Variants in ZC3H12B observed in about 807,000 individuals in gnomAD.
ZC3H12B encodes zinc finger CCCH-type containing 12B.
In ZC3H12B, 7 loss-of-function variants were observed where a neutral mutation model predicts 43.9. The ratio of observed to expected loss-of-function variants is 0.16; its 90% CI spans 0.09 to 0.30. The LOEUF (loss-of-function observed/expected upper bound fraction) is 0.30, where lower values mean the gene tolerates loss of function less well. Ranked by LOEUF, ZC3H12B falls within the 10% of genes least tolerant of loss-of-function variation. ZC3H12B has a pLI of 1.00. For synonymous variants in ZC3H12B, 222 were observed against 241.7 expected, an observed-to-expected ratio of 0.92 and a Z score of 0.76; for missense variants, 475 against 670.2, an observed-to-expected ratio of 0.71 and a Z score of 3.22.
chrX:65,452,702 G>T (rs748364605), intron 3 of ZC3H12B, among the ~76,000 whole-genome samples: 1 of 110,895 alleles, frequency 9.0e-6, no homozygotes, highest in Non-Finnish European at 1.9e-5. Context: ...TTTGCCAGGC[G>T]TAGTGGTAGG....
At chrX:65,278,969 G>C in the ZC3H12B span, among the ~76,000 whole-genome samples, 1 of 111,574 alleles carries the variant, frequency 9.0e-6, no homozygotes, top group Admixed American at 9.5e-5. Context: ...TCCCGCAAAA[G>C]ACATGATCTT....
chrX:65,317,414 G>A, the ZC3H12B span, among the ~76,000 whole-genome samples: 4 of 110,550 alleles, frequency 3.6e-5, no homozygotes, highest in Non-Finnish European at 7.6e-5. Context: ...TGGGGAAACA[G>A]GTGGTCTTTG....
chrX:65,211,783 T>A, the ZC3H12B span, among the ~76,000 whole-genome samples: 1 of 82,255 alleles, frequency 1.2e-5, no homozygotes, highest in Non-Finnish European at 2.1e-5. Flanking sequence ...ATATAATATA[T>A]TATAAATATT....
chrX:65,396,770 T>C (rs1412849067), intron 2 of ZC3H12B, among the ~76,000 whole-genome samples: 4 of 110,940 alleles, frequency 3.6e-5, no homozygotes, highest in Non-Finnish European at 5.7e-5. Context: ...TAATAACCTG[T>C]CTCATTGATC....
chrX:65,158,290 T>A, the ZC3H12B span, among the ~76,000 whole-genome samples: 8 of 111,460 alleles, frequency 7.2e-5, no homozygotes, highest in South Asian at 3.8e-4. Context: ...ATATAGCCAG[T>A]AATGGAATGG....
At chrX:65,151,508 C>A in the ZC3H12B span, among the ~76,000 whole-genome samples, 2 of 111,890 alleles carry the variant, frequency 1.8e-5, no homozygotes, top group African/African-American at 6.5e-5. Context: ...GGAAATGAAG[C>A]TTTCCCTGTA....
chrX:65,313,136 C>T, the ZC3H12B span, among the ~76,000 whole-genome samples: 1 of 111,712 alleles, frequency 9.0e-6, no homozygotes, highest in Non-Finnish European at 1.9e-5. Context: ...CTCATCTTGG[C>T]GTCCCAAAGG....
the ZC3H12B span, among the ~76,000 whole-genome samples, chrX:65,322,237 C>G: frequency 9.0e-6 from 1 of 111,385 alleles, no homozygotes; most frequent in Non-Finnish European, 1.9e-5. Context: ...GGAACTAATA[C>G]AGCAAGAACT....
At chrX:65,219,853 A>ACAC in the ZC3H12B span, among the ~76,000 whole-genome samples, 1 of 90,508 alleles carries the variant, frequency 1.1e-5, no homozygotes, top group African/African-American at 4.3e-5. Flanking sequence ...CACACACACA[A>ACAC]AACACCTGGG....
the ZC3H12B span, among the ~76,000 whole-genome samples, chrX:65,160,315 G>T: frequency 2.7e-5 from 3 of 111,728 alleles, no homozygotes; most frequent in Non-Finnish European, 5.6e-5. Flanking sequence ...TGTATTGATT[G>T]GAATAGTTTC....
the ZC3H12B span, among the ~76,000 whole-genome samples, chrX:65,169,742 G>A: frequency 8.9e-6 from 1 of 112,079 alleles, no homozygotes; most frequent in East Asian, 2.8e-4. Flanking sequence ...TATATATTAA[G>A]CATAGTTAGC....
the ZC3H12B span, among the ~76,000 whole-genome samples, chrX:65,332,220 C>G: frequency 1.8e-5 from 2 of 110,574 alleles, no homozygotes; most frequent in Non-Finnish European, 3.8e-5. Flanking sequence ...TCTTCTGTAA[C>G]TTCTTCAGGC....
intron 3 of ZC3H12B, among the ~76,000 whole-genome samples, chrX:65,467,437 T>A (rs1203841583): frequency 9.0e-6 from 1 of 111,647 alleles, no homozygotes; most frequent in African/African-American, 3.3e-5. Flanking sequence ...ATTTTTGATA[T>A]AATGACTTAT....
intron 2 of ZC3H12B, among the ~76,000 whole-genome samples, chrX:65,497,476 C>T (rs781567083): frequency 2.7e-5 from 3 of 112,487 alleles, no homozygotes; most frequent in South Asian, 3.6e-4. Flanking sequence ...AACTTCAATT[C>T]GGCAAAAGAT....
rs762247504 is a variant in ZC3H12B, at chrX:65,372,302, G to T, written n.295+3304G>T. Among the ~76,000 whole-genome samples, 75 of 111,777 alleles carry T rather than the reference G, an allele frequency of 6.7e-4. 1 individual carries two copies. The highest frequency in any genetic ancestry group is 2.3e-3 in the African/African-American group (71 of 30,864). On this transcript the variant is annotated intron_variant and non_coding_transcript_variant, in intron 2 of 5. Coordinates refer to the ZC3H12B transcript ENST00000617377. The stretch of plus-strand genomic sequence containing the variant: ...TAGAAGCCTAGTGCTCCAAAAACAT[G>T]CATTCCAAGCCTTCCAAGTCCAAGT...
At chrX:65,304,654 A>G in the ZC3H12B span, among the ~76,000 whole-genome samples, 6 of 110,298 alleles carry the variant, frequency 5.4e-5, no homozygotes, top group Non-Finnish European at 1.1e-4. Context: ...ATTTACCCAT[A>G]TCTCACAGTG....
chrX:65,217,494 G>C, the ZC3H12B span, among the ~76,000 whole-genome samples: 1 of 112,020 alleles, frequency 8.9e-6, no homozygotes, highest in Non-Finnish European at 1.9e-5. Context: ...TGTAGTTATG[G>C]AGATATGTGA....
chrX:65,250,024 G>T, the ZC3H12B span, among the ~76,000 whole-genome samples: 1 of 110,043 alleles, frequency 9.1e-6, no homozygotes, highest in Admixed American at 9.7e-5. Flanking sequence ...TGCCATGCTG[G>T]TGTGCTGCAT....
At chrX:65,088,423 C>T in the ZC3H12B span, among the ~76,000 whole-genome samples, 1 of 111,065 alleles carries the variant, frequency 9.0e-6, no homozygotes, top group East Asian at 2.8e-4. Context: ...GATGGATGCC[C>T]TTACATTCAC....
Sources: allele counts gnomAD v4.1 joint callset (sites outside exome capture counted in the v4.1 genomes callset), GRCh38; gene constraint gnomAD v4.1.1; transcripts MANE v1.5; gene names NCBI Gene and HGNC (gene_info 2026-07-23, HGNC 2026-07-21).